The following UNC5C variants were observed in gnomAD, a reference collection of about 807,000 sequenced individuals.
UNC5C encodes the protein netrin receptor UNC5C.
Under a neutral mutation model 99.8 loss-of-function variants are expected in UNC5C, and 47 were observed. The observed-to-expected ratio is 0.47, with a 90% CI of 0.37 to 0.60. UNC5C has a LOEUF of 0.60. UNC5C is among the 20% of genes least tolerant of loss of function. The pLI is 0.00. For missense variants in UNC5C, 1,062 were observed against 1,165.9 expected (o/e 0.91, Z 1.30); for synonymous variants, 487 against 452.2 (o/e 1.08, Z -0.98).
intron 1 of UNC5C, among the ~76,000 whole-genome samples, chr4:95,512,535 T>C (rs557119180): frequency 2.3e-4 from 35 of 152,280 alleles, no homozygotes; most frequent in Admixed American, 7.9e-4. Context: ...CCTTTCATTC[T>C]GCCAATCTTT....
intron 7 of UNC5C, among the ~76,000 whole-genome samples, chr4:95,234,809 A>T (rs1739051365): frequency 6.6e-6 from 1 of 152,198 alleles, no homozygotes; most frequent in African/African-American, 2.4e-5. Context: ...CACAGTACTT[A>T]CAATATGAAC....
chr4:95,482,373 G>A (rs1721184407), intron 1 of UNC5C, among the ~76,000 whole-genome samples: 1 of 152,052 alleles, frequency 6.6e-6, no homozygotes, highest in Non-Finnish European at 1.5e-5. Flanking sequence ...GTGCTGGAGA[G>A]GATATGGAGA....
chr4:95,513,056 T>C (rs10004953), intron 1 of UNC5C, among the ~76,000 whole-genome samples: 66,809 of 151,924 alleles, frequency 0.44, 16,179 homozygotes, highest in East Asian at 0.54. Flanking sequence ...CCTCCACAAG[T>C]GGTTTGACAA....
At chr4:95,224,796 A>C (rs969105135) in intron 7 of UNC5C, among the ~76,000 whole-genome samples, 1 of 152,190 alleles carries the variant, frequency 6.6e-6, no homozygotes, top group Non-Finnish European at 1.5e-5. Flanking sequence ...AATAAACCAA[A>C]AGAACATAAT....
intron 1 of UNC5C, among the ~76,000 whole-genome samples, chr4:95,519,695 T>C (rs1722303004): frequency 6.6e-6 from 1 of 152,152 alleles, no homozygotes; most frequent in Non-Finnish European, 1.5e-5. Context: ...GGAAGAGTAA[T>C]CAATTAAATG....
intron 1 of UNC5C, among the ~76,000 whole-genome samples, chr4:95,479,357 A>G (rs1721063635): frequency 6.6e-6 from 1 of 151,928 alleles, no homozygotes; most frequent in South Asian, 2.1e-4. Context: ...GGAATTTTAG[A>G]CCATTGGATA....
At chr4:95,296,976 T>G (rs1453756444) in intron 3 of UNC5C, among the ~76,000 whole-genome samples, 1 of 152,146 alleles carries the variant, frequency 6.6e-6, no homozygotes, top group Non-Finnish European at 1.5e-5. Context: ...TCAGCTTCTC[T>G]CTCCTGGAAT....
intron 1 of UNC5C, among the ~76,000 whole-genome samples, chr4:95,382,025 A>G (rs1745087357): frequency 6.6e-6 from 1 of 152,172 alleles, no homozygotes; most frequent in Non-Finnish European, 1.5e-5. Context: ...CGAAGTAAGA[A>G]GCTTGTCTCC....
intron 1 of UNC5C, among the ~76,000 whole-genome samples, chr4:95,374,625 A>C (rs1201390624): frequency 6.6e-6 from 1 of 152,126 alleles, no homozygotes; most frequent in African/African-American, 2.4e-5. Flanking sequence ...AAAATTCTGG[A>C]ATCTTGACTA....
intron 2 of UNC5C, among the ~76,000 whole-genome samples, chr4:95,323,847 C>T (rs1742789217): frequency 1.3e-5 from 2 of 152,098 alleles, no homozygotes; most frequent in Non-Finnish European, 2.9e-5. Flanking sequence ...ACCAGCCTGG[C>T]CAACATGGTG....
At chr4:95,338,775 A>G (rs1743443841) in intron 1 of UNC5C, among the ~76,000 whole-genome samples, 2 of 152,094 alleles carry the variant, frequency 1.3e-5, no homozygotes, top group Admixed American at 1.3e-4. Context: ...GAGATTCACA[A>G]GGAATTTTAG....
chr4:95,292,815 T>C (rs1176164607), intron 3 of UNC5C, among the ~76,000 whole-genome samples: 1 of 152,244 alleles, frequency 6.6e-6, no homozygotes, highest in Non-Finnish European at 1.5e-5. Flanking sequence ...AATTCAATTT[T>C]ATTTCATTTT....
rs1735740281 is a variant in UNC5C at position 95,163,206 on chromosome 4, T to G, written c.*6028A>C. 6.6e-6 allele frequency: 1 copy of G among 152,214 alleles called. No homozygotes were observed. Among genetic ancestry groups the G allele is most frequent in the Non-Finnish European group, 1.5e-5 (1 of 68,044 alleles). 9.4% of individuals were successfully genotyped at this position (152,214 alleles called of 1,614,324 possible). A position where few individuals can be genotyped will look rare whatever the true frequency, so the allele number is the denominator to read the frequency against. On this transcript the variant is annotated 3_prime_UTR_variant, in exon 16 of 16. Coordinates refer to ENST00000453304, the MANE Select transcript of UNC5C (RefSeq NM_003728.4). ...GTTCTGACTGCTGTACTTTTTCTTG[T>G]CCATGGCCTGGAGGAGTAGACATCT...
intron 2 of UNC5C, among the ~76,000 whole-genome samples, chr4:95,332,224 A>C (rs374882733): frequency 4.6e-5 from 7 of 152,170 alleles, no homozygotes; most frequent in East Asian, 3.9e-4. Context: ...AAACTACTTT[A>C]AAGTTCATAT....
chr4:95,495,596 T>C (rs1721609377), intron 1 of UNC5C, among the ~76,000 whole-genome samples: 1 of 151,658 alleles, frequency 6.6e-6, no homozygotes, highest in South Asian at 2.1e-4. Flanking sequence ...ACAATCTCAG[T>C]GAATAAATTA....
At chr4:95,182,308 C>T (rs571047060) in intron 14 of UNC5C, among the ~76,000 whole-genome samples, 1 of 152,242 alleles carries the variant, frequency 6.6e-6, no homozygotes, top group South Asian at 2.1e-4. Flanking sequence ...CTATTTGTGG[C>T]ATATTTCCCC....
intron 1 of UNC5C, among the ~76,000 whole-genome samples, chr4:95,439,141 G>A (rs1746875515): frequency 6.6e-6 from 1 of 152,108 alleles, no homozygotes; most frequent in African/African-American, 2.4e-5. Flanking sequence ...GCCACATTGA[G>A]CTTATTTTTC....
At chr4:95,204,380 G>A (rs1271439762) in intron 11 of UNC5C, among the ~76,000 whole-genome samples, 1 of 152,194 alleles carries the variant, frequency 6.6e-6, no homozygotes, top group African/African-American at 2.4e-5. Context: ...AGGTAACAGA[G>A]GCATGTGAAG....
chr4:95,338,633 T>C (rs1191483090), intron 1 of UNC5C, among the ~76,000 whole-genome samples: 2 of 152,062 alleles, frequency 1.3e-5, no homozygotes, highest in Non-Finnish European at 2.9e-5. Context: ...ACACTAGAGA[T>C]GAAACTCTTT....
Sources: gnomAD v4.1 joint callset for allele counts (sites outside exome capture counted in the v4.1 genomes callset) on GRCh38, gnomAD v4.1.1 for gene constraint, MANE v1.5 for transcripts, NCBI Gene and HGNC (gene_info 2026-07-23, HGNC 2026-07-21) for gene names.